CPQ: variants seen among roughly 807,000 people sequenced by gnomAD.
The protein encoded by CPQ is carboxypeptidase Q.
CPQ carries 37 observed loss-of-function variants against 45.7 expected under a neutral mutation model. That is an observed-to-expected ratio of 0.81 (90% CI 0.62 to 1.07). CPQ has a LOEUF of 1.07. Among genes scored for constraint, CPQ ranks in the 50% least tolerant of loss-of-function variants. The pLI, the probability that CPQ is intolerant of heterozygous loss-of-function variation, is 0.00. For missense variants in CPQ, 537 were observed against 572.9 expected, an observed-to-expected ratio of 0.94 and a Z score of 0.64; for synonymous variants, 186 against 205.8, an observed-to-expected ratio of 0.90 and a Z score of 0.82.
Position 96,919,772 on chromosome 8 carries a change from G to A in CPQ, c.849+39767G>A, listed in dbSNP as rs182327901. Among the ~76,000 whole-genome samples, 42 of 152,192 alleles carry A rather than the reference G, an allele frequency of 2.8e-4. No homozygotes were observed. In the East Asian group the frequency reaches 7.3e-3, roughly 27 times the overall value. On this transcript the variant is annotated intron_variant, in intron 4 of 7. Transcript: ENST00000220763. ...TAAAATTTTATTTCTGTGCAGATTT[G>A]CTGTGACTTTGGTGTGGCCTAATCT...
chr8:96,939,786 G>A (rs536493253), intron 4 of CPQ, among the ~76,000 whole-genome samples: 12 of 152,182 alleles, frequency 7.9e-5, no homozygotes, highest in African/African-American at 2.2e-4. Flanking sequence ...ATTTTTGTCC[G>A]TGTCTCCTGG....
chr8:97,037,150 C>T (rs547219214), intron 6 of CPQ, among the ~76,000 whole-genome samples: 4 of 152,326 alleles, frequency 2.6e-5, no homozygotes, highest in Non-Finnish European at 4.4e-5. Context: ...CAGTGAAGTT[C>T]TTGCCAGCTT....
At chr8:97,007,712 A>C (rs1438892452) in intron 5 of CPQ, among the ~76,000 whole-genome samples, 1 of 152,200 alleles carries the variant, frequency 6.6e-6, no homozygotes, top group Non-Finnish European at 1.5e-5. Context: ...TAATTCTTGA[A>C]ATAAAACTTT....
At chr8:97,078,134 C>A (rs931308971) in intron 7 of CPQ, among the ~76,000 whole-genome samples, 2 of 152,088 alleles carry the variant, frequency 1.3e-5, no homozygotes, top group African/African-American at 4.8e-5. Flanking sequence ...CTCAAATTGT[C>A]CCATCTTTGG....
chr8:96,847,344 C>A (rs1032324923), intron 3 of CPQ, among the ~76,000 whole-genome samples: 2 of 152,146 alleles, frequency 1.3e-5, no homozygotes, highest in Non-Finnish European at 2.9e-5. Context: ...ATTTCTATTA[C>A]AATTATTTGC....
At chr8:97,134,285 GACA>G (rs1812008815) in intron 7 of CPQ, among the ~76,000 whole-genome samples, 2 of 152,206 alleles carry the variant, frequency 1.3e-5, no homozygotes, top group African/African-American at 4.8e-5. Flanking sequence ...AGAAAAGACA[GACA>G]ACAATAATAA....
At chr8:96,795,066 C>A (rs1205715482) in intron 2 of CPQ, among the ~76,000 whole-genome samples, 1 of 152,148 alleles carries the variant, frequency 6.6e-6, no homozygotes, top group East Asian at 1.9e-4. Context: ...AAGTTGCTTC[C>A]ACATTTTTGG....
chr8:97,071,618 T>C (rs886541377), intron 7 of CPQ, among the ~76,000 whole-genome samples: 16 of 152,174 alleles, frequency 1.1e-4, no homozygotes, highest in African/African-American at 3.9e-4. Flanking sequence ...AGCAGCCTCC[T>C]AGTAATATCC....
At chr8:96,815,775 A>G (rs1207652717) in intron 2 of CPQ, among the ~76,000 whole-genome samples, 1 of 152,160 alleles carries the variant, frequency 6.6e-6, no homozygotes, top group Non-Finnish European at 1.5e-5. Flanking sequence ...ACCACAGTAA[A>G]GTAAATATCA....
At chr8:96,878,477 C>T (rs1812177536) in intron 3 of CPQ, among the ~76,000 whole-genome samples, 1 of 152,084 alleles carries the variant, frequency 6.6e-6, no homozygotes, top group Non-Finnish European at 1.5e-5. Context: ...GTATTATTAT[C>T]ACTTCCATTT....
chr8:96,937,810 G>A (rs1813073727), intron 4 of CPQ, among the ~76,000 whole-genome samples: 1 of 152,144 alleles, frequency 6.6e-6, no homozygotes, highest in African/African-American at 2.4e-5. Flanking sequence ...TTGCTTCTAA[G>A]ATATCTTTTA....
At chr8:96,867,792 AGTTAT>A (rs559450988) in intron 3 of CPQ, among the ~76,000 whole-genome samples, 36 of 152,038 alleles carry the variant, frequency 2.4e-4, no homozygotes, top group South Asian at 8.3e-4. Context: ...GTGGCTGCAG[AGTTAT>A]GTTATGACTT....
At chr8:96,879,239 A>T (rs7000088) in intron 3 of CPQ, among the ~76,000 whole-genome samples, 3,138 of 152,300 alleles carry the variant, frequency 0.021, 113 homozygotes, top group African/African-American at 0.071. Flanking sequence ...TTATTCAGCA[A>T]CTTTTCTTTA....
intron 5 of CPQ, among the ~76,000 whole-genome samples, chr8:97,015,595 T>A (rs1809566173): frequency 6.6e-6 from 1 of 152,182 alleles, no homozygotes; most frequent in Non-Finnish European, 1.5e-5. Flanking sequence ...GATAAGATTT[T>A]AAAGTTCTAC....
intron 7 of CPQ, among the ~76,000 whole-genome samples, chr8:97,073,625 G>A (rs570780124): frequency 2.8e-4 from 42 of 152,278 alleles, no homozygotes; most frequent in Admixed American, 2.3e-3. Flanking sequence ...CATGTGTTGA[G>A]TGCCTGCTGT....
chr8:96,893,656 A>G (rs1269586142), intron 4 of CPQ, among the ~76,000 whole-genome samples: 1 of 152,212 alleles, frequency 6.6e-6, no homozygotes, highest in Non-Finnish European at 1.5e-5. Context: ...ACACACCAAA[A>G]TAAGTGGAAA....
At chr8:96,794,122 G>T (rs1036870534) in intron 2 of CPQ, among the ~76,000 whole-genome samples, 1 of 152,234 alleles carries the variant, frequency 6.6e-6, no homozygotes, top group African/African-American at 2.4e-5. Flanking sequence ...GGGACTCTGT[G>T]TGGGGGCTCT....
At chr8:96,795,344 A>G (rs1372913110) in intron 2 of CPQ, among the ~76,000 whole-genome samples, 1 of 152,054 alleles carries the variant, frequency 6.6e-6, no homozygotes, top group Non-Finnish European at 1.5e-5. Flanking sequence ...TTTCACTACC[A>G]CCAGAAGAGC....
chr8:96,682,169 G>T (rs2464486), intron 1 of CPQ, among the ~76,000 whole-genome samples: 2 of 151,864 alleles, frequency 1.3e-5, no homozygotes, highest in South Asian at 2.1e-4. Context: ...GAGGGGCCAG[G>T]GCAGAATGAT....
Sources: gnomAD v4.1 joint callset for allele counts (sites outside exome capture counted in the v4.1 genomes callset) on GRCh38, gnomAD v4.1.1 for gene constraint, MANE v1.5 for transcripts, NCBI Gene and HGNC (gene_info 2026-07-23, HGNC 2026-07-21) for gene names.